The following DPP10 variants were observed in gnomAD, a reference collection of about 807,000 sequenced individuals.
DPP10 encodes dipeptidyl peptidase like 10.
In DPP10, 33 loss-of-function variants were observed where a neutral mutation model predicts 120.9. The observed-to-expected ratio is 0.27, with a 90% CI of 0.21 to 0.37. The LOEUF (loss-of-function observed/expected upper bound fraction) is 0.37, where lower values mean the gene tolerates loss of function less well. Ranked by LOEUF, DPP10 falls within the 10% of genes least tolerant of loss-of-function variation. The pLI is 1.00. For missense variants in DPP10, 816 were observed against 942.8 expected (o/e 0.87, Z 1.76); for synonymous variants, 337 against 326.1 (o/e 1.03, Z -0.36).
intron 1 of DPP10, among the ~76,000 whole-genome samples, chr2:115,188,251 G>A (rs1009906380): frequency 3.3e-5 from 5 of 152,076 alleles, no homozygotes; most frequent in Non-Finnish European, 7.4e-5. Context: ...GTATTTTTTA[G>A]GATAAAAATA....
intron 1 of DPP10, among the ~76,000 whole-genome samples, chr2:115,303,029 C>CT (rs1453938858): frequency 6.6e-6 from 1 of 151,932 alleles, no homozygotes. Flanking sequence ...GAAACCATGA[C>CT]TGTTTCTCCT....
At chr2:114,970,171 A>G (rs1045103340) in intron 1 of DPP10, among the ~76,000 whole-genome samples, 2 of 152,158 alleles carry the variant, frequency 1.3e-5, no homozygotes, top group African/African-American at 4.8e-5. Context: ...AGTTTTCAAC[A>G]TAATTGCAGG....
intron 1 of DPP10, among the ~76,000 whole-genome samples, chr2:115,141,948 AT>A (rs961415028): frequency 4.6e-5 from 7 of 151,860 alleles, no homozygotes; most frequent in African/African-American, 7.3e-5. Context: ...TAATTTTTGT[AT>A]TTTTGGTAGA....
At chr2:115,413,324 A>G (rs2069107471) in intron 3 of DPP10, among the ~76,000 whole-genome samples, 1 of 152,176 alleles carries the variant, frequency 6.6e-6, no homozygotes, top group Admixed American at 6.5e-5. Flanking sequence ...AAAACATGCA[A>G]ATAGAAACAG....
rs905311644 is a variant in DPP10, at chr2:115,211,105, A to C, written c.61-98134A>C. Among the ~76,000 whole-genome samples, 18 of 152,230 alleles carry C rather than the reference A, an allele frequency of 1.2e-4. 1 individual carries two copies. The highest frequency in any genetic ancestry group is 4.3e-4 in the African/African-American group (18 of 41,578). On this transcript the variant is annotated intron_variant, in intron 1 of 25. Coordinates refer to ENST00000410059, the MANE Select transcript of DPP10 (RefSeq NM_020868.6). ...TTTTAAAGTTTAATATATAACTTGA[A>C]TTGTGCTACTCCCTGTGAAGTTTTG...
At chr2:114,764,209 A>T (rs535131005) in intron 1 of DPP10, among the ~76,000 whole-genome samples, 2 of 151,204 alleles carry the variant, frequency 1.3e-5, no homozygotes, top group Admixed American at 6.6e-5. Context: ...GCATATTTTT[A>T]TATTATGTAT....
intron 1 of DPP10, among the ~76,000 whole-genome samples, chr2:115,169,041 A>G (rs1002902350): frequency 9.2e-5 from 14 of 152,214 alleles, no homozygotes; most frequent in South Asian, 6.2e-4. Context: ...AAAATATTCT[A>G]TAACATTTTT....
At chr2:114,606,251 G>C (rs1692793432) in intron 1 of DPP10, among the ~76,000 whole-genome samples, 1 of 152,078 alleles carries the variant, frequency 6.6e-6, no homozygotes, top group African/African-American at 2.4e-5. Flanking sequence ...AGCTGTCTTT[G>C]TTTCTATTTT....
At chr2:115,510,926 C>A (rs1417656254) in intron 4 of DPP10, among the ~76,000 whole-genome samples, 1 of 151,956 alleles carries the variant, frequency 6.6e-6, no homozygotes, top group Non-Finnish European at 1.5e-5. Context: ...TACTCCATTT[C>A]ATCTTTAAAT....
At chr2:114,639,227 G>A (rs188822165) in intron 1 of DPP10, among the ~76,000 whole-genome samples, 13 of 151,918 alleles carry the variant, frequency 8.6e-5, no homozygotes, top group South Asian at 8.3e-4. Context: ...CTTACATGGC[G>A]GCAGGCAAGA....
chr2:114,746,743 T>C (rs1169370114), intron 1 of DPP10, among the ~76,000 whole-genome samples: 3 of 152,194 alleles, frequency 2.0e-5, no homozygotes, highest in Non-Finnish European at 4.4e-5. Context: ...GAACTCTGAA[T>C]AAGGAATCAA....
At chr2:114,757,014 A>G (rs1430981155) in intron 1 of DPP10, among the ~76,000 whole-genome samples, 1 of 151,894 alleles carries the variant, frequency 6.6e-6, no homozygotes, top group African/African-American at 2.4e-5. Flanking sequence ...CGCTCACAAC[A>G]TATCAAGTCT....
chr2:114,500,575 A>G (rs1683066534), intron 1 of DPP10, among the ~76,000 whole-genome samples: 1 of 152,220 alleles, frequency 6.6e-6, no homozygotes, highest in Admixed American at 6.5e-5. Flanking sequence ...AGTAAAAACC[A>G]AGACCTGTCT....
At chr2:115,094,872 G>A (rs1479953336) in intron 1 of DPP10, among the ~76,000 whole-genome samples, 1 of 152,116 alleles carries the variant, frequency 6.6e-6, no homozygotes, top group Non-Finnish European at 1.5e-5. Context: ...TTATGTAGGT[G>A]CATACATAAC....
At chr2:114,662,023 A>AC (rs1697445383) in intron 1 of DPP10, among the ~76,000 whole-genome samples, 1 of 150,920 alleles carries the variant, frequency 6.6e-6, no homozygotes, top group African/African-American at 2.4e-5. Context: ...AAAAAAAACA[A>AC]CCCGGGCTCT....
chr2:115,385,317 C>T (rs985190492), intron 3 of DPP10, among the ~76,000 whole-genome samples: 2 of 151,892 alleles, frequency 1.3e-5, no homozygotes, highest in African/African-American at 4.8e-5. Context: ...CACCGTTAGA[C>T]CAATCCCTTT....
At chr2:115,656,268 A>G (rs1265508327) in intron 5 of DPP10, among the ~76,000 whole-genome samples, 1 of 151,580 alleles carries the variant, frequency 6.6e-6, no homozygotes, top group Non-Finnish European at 1.5e-5. Context: ...ATGTGTATCA[A>G]TTATATATCA....
intron 5 of DPP10, among the ~76,000 whole-genome samples, chr2:115,643,897 GA>G (rs1225279131): frequency 1.3e-5 from 2 of 152,004 alleles, no homozygotes; most frequent in Non-Finnish European, 2.9e-5. Context: ...GGAATATTGT[GA>G]AAAAAATAAA....
At chr2:114,848,153 G>A (rs554911621) in intron 1 of DPP10, among the ~76,000 whole-genome samples, 17 of 152,280 alleles carry the variant, frequency 1.1e-4, no homozygotes, top group African/African-American at 4.1e-4. Flanking sequence ...GAACATAGAT[G>A]AATCTGGCCA....
Sources: allele counts gnomAD v4.1 joint callset (sites outside exome capture counted in the v4.1 genomes callset), GRCh38; gene constraint gnomAD v4.1.1; transcripts MANE v1.5; gene names NCBI Gene and HGNC (gene_info 2026-07-23, HGNC 2026-07-21).